Variants in WSCD2 observed in about 807,000 individuals in gnomAD.
The protein encoded by WSCD2 is WSC domain sialate O sulfotransferase 2.
Under a neutral mutation model 55.7 loss-of-function variants are expected in WSCD2, and 28 were observed. That is an observed-to-expected ratio of 0.50 (90% CI 0.37 to 0.69). WSCD2 has a LOEUF of 0.69. WSCD2 is among the 30% of genes least tolerant of loss of function. The pLI, the probability that WSCD2 is intolerant of heterozygous loss-of-function variation, is 0.00. For missense variants in WSCD2, 616 were observed against 762.1 expected (o/e 0.81, Z 2.26); for synonymous variants, 301 against 301.9 (o/e 1.00, Z 0.03).
At chr12:108,191,022 G>C (rs1883092664) in intron 1 of WSCD2, among the ~76,000 whole-genome samples, 1 of 152,164 alleles carries the variant, frequency 6.6e-6, no homozygotes, top group Admixed American at 6.5e-5. Flanking sequence ...CCTCACACCT[G>C]TAAGTGAATG....
chr12:108,223,025 G>A (rs1047852958), intron 4 of WSCD2, among the ~76,000 whole-genome samples: 4 of 152,268 alleles, frequency 2.6e-5, no homozygotes, highest in Admixed American at 2.6e-4. Context: ...TCAGGCAGCA[G>A]TTAATGCTGC....
At chr12:108,133,937 T>G (rs1222492891) in intron 1 of WSCD2, among the ~76,000 whole-genome samples, 2 of 152,218 alleles carry the variant, frequency 1.3e-5, no homozygotes, top group Admixed American at 1.3e-4. Context: ...GCAACTTGTT[T>G]TCCTTAAATA....
chr12:108,238,049 G>A (rs921339581), intron 7 of WSCD2, among the ~76,000 whole-genome samples: 1 of 152,184 alleles, frequency 6.6e-6, no homozygotes, highest in Admixed American at 6.5e-5. Flanking sequence ...TGAAACCATG[G>A]ATGGAAAGCC....
intron 1 of WSCD2, among the ~76,000 whole-genome samples, chr12:108,186,307 A>G (rs1189717596): frequency 6.6e-6 from 1 of 152,098 alleles, no homozygotes; most frequent in East Asian, 1.9e-4. Flanking sequence ...CTCCATCAAC[A>G]TCCCGCACCA....
At chr12:108,208,017 G>A (rs930658184) in intron 3 of WSCD2, among the ~76,000 whole-genome samples, 3 of 152,310 alleles carry the variant, frequency 2.0e-5, no homozygotes, top group Admixed American at 6.5e-5. Flanking sequence ...TGCCTGGGGT[G>A]AAAGGAAATA....
intron 1 of WSCD2, chr12:108,167,699 C>G (rs1020068898): frequency 6.6e-6 from 1 of 152,352 alleles, no homozygotes. Context: ...AGGCCAAGCT[C>G]ACTTCTCCCA....
chr12:108,211,650 T>TATATAC (rs1491203752), intron 4 of WSCD2, among the ~76,000 whole-genome samples: 95 of 124,658 alleles, frequency 7.6e-4, no homozygotes, highest in African/African-American at 2.5e-3. Flanking sequence ...TATATATATA[T>TATATAC]ACATATATAT....
At chr12:108,196,316 G>A in intron 2 of WSCD2, 102 bp downstream of exon 2, 2 of 1,423,704 alleles carry the variant, frequency 1.4e-6, no homozygotes, top group Non-Finnish European at 1.9e-6. Flanking sequence ...ATAGGAACCA[G>A]CTGTCATATC....
rs374255316 is a variant in WSCD2 at position 108,184,314 on chromosome 12, C to T, written c.-551-10968C>T. On this transcript the variant is annotated intron_variant, in intron 1 of 8. Transcript: ENST00000547525. ...AGCACAGAGACCACCTCTCCACCACCACCCCCCAAACACACACACACTGCC... is the reference window on the plus strand; with the variant it reads ...AGCACAGAGACCACCTCTCCACCACTACCCCCCAAACACACACACACTGCC... 7.9e-5 allele frequency among the ~76,000 whole-genome samples: 12 copies of T among 152,274 alleles called. No homozygotes were observed. The South Asian group carries it at 2.5e-3, about 32-fold the overall frequency.
At chr12:108,247,314 T>C (rs1890160348) in intron 8 of WSCD2, among the ~76,000 whole-genome samples, 1 of 150,392 alleles carries the variant, frequency 6.6e-6, no homozygotes, top group South Asian at 2.1e-4. Flanking sequence ...GTATGTAATC[T>C]AAAATACACA....
intron 1 of WSCD2, among the ~76,000 whole-genome samples, chr12:108,137,687 G>A (rs1876363209): frequency 6.6e-6 from 1 of 152,202 alleles, no homozygotes; most frequent in South Asian, 2.1e-4. Context: ...CTCTGTGCTG[G>A]CCCCAAGAAA....
Position 108,232,730 on chromosome 12 carries a change from G to A in WSCD2, c.980-1G>A. On this transcript the variant is annotated splice_acceptor_variant, in intron 6 of 8. Coordinates refer to ENST00000547525, the MANE Select transcript of WSCD2 (RefSeq NM_014653.4). LOFTEE classifies it high-confidence loss of function. ...CTCTGTCCATGCTCCGCCCTTTTCAGACAACCGTTGCATGGACAGAAGGTT... is the reference window on the plus strand; with the variant it reads ...CTCTGTCCATGCTCCGCCCTTTTCAAACAACCGTTGCATGGACAGAAGGTT... 1 of 1,609,322 alleles carries A rather than the reference G, an allele frequency of 6.2e-7. No individual in the cohort carries two copies. The highest frequency in any genetic ancestry group is 2.2e-5 in the East Asian group (1 of 44,720).
intron 4 of WSCD2, among the ~76,000 whole-genome samples, chr12:108,223,757 G>A (rs563648990): frequency 7.2e-5 from 11 of 152,222 alleles, no homozygotes; most frequent in African/African-American, 2.6e-4. Context: ...AGGAAGTTAC[G>A]CCCCAGCCTG....
Position 108,249,232 on chromosome 12 carries a change from C to T in WSCD2, c.*889C>T, listed in dbSNP as rs773993091. The T allele has an allele frequency of 6.6e-6, 1 of 152,634 alleles. No individual in the cohort carries two copies. The highest frequency in any genetic ancestry group is 1.5e-5 in the Non-Finnish European group (1 of 68,068). 9.5% of individuals were successfully genotyped at this position (152,634 alleles called of 1,614,324 possible). Reference sequence around the variant, plus strand: ...GGGCTCCAGTCAGTCTTACACTGCCCTTCTGACCCCTACAAATGGGTCCTT... The same window carrying T: ...GGGCTCCAGTCAGTCTTACACTGCCTTTCTGACCCCTACAAATGGGTCCTT... On this transcript the variant is annotated 3_prime_UTR_variant, in exon 9 of 9. Coordinates refer to ENST00000547525, the MANE Select transcript of WSCD2 (RefSeq NM_014653.4).
rs559925923 is a variant in WSCD2 at position 108,173,402 on chromosome 12, G to A, written c.-551-21880G>A. 7.9e-5 allele frequency among the ~76,000 whole-genome samples: 12 copies of A among 152,318 alleles called. 1 individual carries two copies. The highest frequency in any genetic ancestry group is 2.9e-4 in the African/African-American group (12 of 41,572). On this transcript the variant is annotated intron_variant, in intron 1 of 8. Coordinates refer to ENST00000547525, the MANE Select transcript of WSCD2 (RefSeq NM_014653.4). ...AAAAGAGGCTCCAGAGGGCTCTTCAGCTGCTCAGCAGGAGACGTGAAGGCT... is the reference window on the plus strand; with the variant it reads ...AAAAGAGGCTCCAGAGGGCTCTTCAACTGCTCAGCAGGAGACGTGAAGGCT...
At chr12:108,245,454 G>A (rs1177340257) in intron 8 of WSCD2, among the ~76,000 whole-genome samples, 1 of 152,154 alleles carries the variant, frequency 6.6e-6, no homozygotes, top group Non-Finnish European at 1.5e-5. Context: ...AGTCAACAAG[G>A]ACACTCTGTC....
intron 1 of WSCD2, among the ~76,000 whole-genome samples, chr12:108,146,016 G>C (rs1466629389): frequency 3.9e-5 from 6 of 152,198 alleles, no homozygotes; most frequent in Non-Finnish European, 1.5e-5. Flanking sequence ...TAGTTACCTC[G>C]ACTGGAGAAG....
chr12:108,141,163 T>C (rs995229308), intron 1 of WSCD2, among the ~76,000 whole-genome samples: 1 of 152,196 alleles, frequency 6.6e-6, no homozygotes, highest in Non-Finnish European at 1.5e-5. Flanking sequence ...AGGTGATCCT[T>C]CCACCTTAGT....
chr12:108,169,908 C>G lies in WSCD2; in HGVS notation c.-551-25374C>G, dbSNP rs114370231. Among the ~76,000 whole-genome samples, 750 of 152,302 alleles carry G rather than the reference C, an allele frequency of 4.9e-3. 5 individuals are homozygous for G. The highest frequency in any genetic ancestry group is 0.017 in the African/African-American group (724 of 41,548). ...CACCCCAAACAAGGTCCTCACTATT[C>G]GAGCAGCACATTAAAGACCCAAGGG... On this transcript the variant is annotated intron_variant, in intron 1 of 8. Coordinates refer to ENST00000547525, the MANE Select transcript of WSCD2 (RefSeq NM_014653.4).
Sources: allele counts gnomAD v4.1 joint callset (sites outside exome capture counted in the v4.1 genomes callset), GRCh38; gene constraint gnomAD v4.1.1; transcripts MANE v1.5; gene names NCBI Gene and HGNC (gene_info 2026-07-23, HGNC 2026-07-21).